PIGU: variants seen among roughly 807,000 people sequenced by gnomAD.
PIGU encodes the protein GPI-anchor transamidase component PIGU.
A neutral mutation model predicts 49.9 loss-of-function variants in PIGU; 24 were observed. The ratio of observed to expected loss-of-function variants is 0.48; its 90% confidence interval spans 0.35 to 0.68. The LOEUF (loss-of-function observed/expected upper bound fraction) is 0.68. Among genes scored for constraint, PIGU ranks in the 30% least tolerant of loss-of-function variants. The pLI, the probability that PIGU is intolerant of heterozygous loss-of-function variation, is 0.01. For synonymous variants in PIGU, 220 were observed against 205.7 expected (o/e 1.07, Z -0.59); for missense variants, 490 against 532.6 (o/e 0.92, Z 0.79).
intron 1 of PIGU, among the ~76,000 whole-genome samples, chr20:34,657,720 C>T (rs1986748131): frequency 6.6e-6 from 1 of 152,122 alleles, no homozygotes; most frequent in Non-Finnish European, 1.5e-5. Context: ...AGATATGATA[C>T]TTCTTAGGGC....
At chr20:34,571,309 C>T (rs897476530) in intron 11 of PIGU, among the ~76,000 whole-genome samples, 11 of 152,106 alleles carry the variant, frequency 7.2e-5, no homozygotes, top group African/African-American at 2.7e-4. Flanking sequence ...AAGGATGGGG[C>T]CTTAGTCACT....
intron 6 of PIGU, among the ~76,000 whole-genome samples, chr20:34,623,563 T>TG (rs1985335155): frequency 1.3e-5 from 2 of 152,218 alleles, no homozygotes; most frequent in Admixed American, 1.3e-4. Flanking sequence ...AACTAGTGAA[T>TG]GAGAGCAATA....
chr20:34,642,529 C>T (rs1986197896), intron 4 of PIGU, among the ~76,000 whole-genome samples: 1 of 151,584 alleles, frequency 6.6e-6, no homozygotes, highest in South Asian at 2.1e-4. Context: ...ATCTAATCAA[C>T]TTTCATTAAA....
At chr20:34,583,611 A>C (rs1983575282) in intron 9 of PIGU, among the ~76,000 whole-genome samples, 1 of 152,242 alleles carries the variant, frequency 6.6e-6, no homozygotes, top group African/African-American at 2.4e-5. Flanking sequence ...AAGCTGCCGG[A>C]GAGCTGGCTG....
intron 6 of PIGU, among the ~76,000 whole-genome samples, chr20:34,627,895 A>G (rs2146752827): frequency 6.6e-6 from 1 of 152,340 alleles, no homozygotes; most frequent in South Asian, 2.1e-4. Flanking sequence ...CACGATCTTC[A>G]GAACAAGACA....
chr20:34,634,564 A>G, intron 6 of PIGU, 51 bp downstream of exon 6: 1 of 1,556,882 alleles, frequency 6.4e-7, no homozygotes, highest in Non-Finnish European at 8.7e-7. Flanking sequence ...GTGTTGCAAA[A>G]TCTTGCATAA....
chr20:34,628,428 T>C (rs2146753308), intron 6 of PIGU, among the ~76,000 whole-genome samples: 1 of 152,320 alleles, frequency 6.6e-6, no homozygotes, highest in South Asian at 2.1e-4. Flanking sequence ...GTGCAAAAAT[T>C]GCTGTACATT....
At chr20:34,600,757 G>A (rs929808179) in intron 7 of PIGU, among the ~76,000 whole-genome samples, 3 of 152,052 alleles carry the variant, frequency 2.0e-5, no homozygotes, top group South Asian at 2.1e-4. Flanking sequence ...GTTATTGGCC[G>A]GGCACGGTGG....
intron 10 of PIGU, among the ~76,000 whole-genome samples, chr20:34,577,293 A>T (rs1215699504): frequency 6.6e-6 from 1 of 152,170 alleles, no homozygotes. Context: ...GAGAGACTTA[A>T]AGGGTGGAGA....
At chr20:34,598,172 C>T (rs1483297677) in intron 7 of PIGU, among the ~76,000 whole-genome samples, 1 of 152,160 alleles carries the variant, frequency 6.6e-6, no homozygotes, top group Non-Finnish European at 1.5e-5. Context: ...ATTACTTAAG[C>T]AGGGTAGTGG....
intron 1 of PIGU, among the ~76,000 whole-genome samples, chr20:34,666,522 A>AT (rs1401318875): frequency 8.6e-5 from 13 of 150,756 alleles, no homozygotes; most frequent in East Asian, 1.9e-4. Context: ...TATTTAATTA[A>AT]TTAATTTATT....
chr20:34,584,179 G>A (rs544886089), intron 9 of PIGU, among the ~76,000 whole-genome samples: 6 of 152,202 alleles, frequency 3.9e-5, no homozygotes, highest in Admixed American at 2.6e-4. Context: ...TCTGAGCATC[G>A]ATTTCCTCAA....
chr20:34,618,128 C>T (rs553544606), intron 6 of PIGU, among the ~76,000 whole-genome samples: 1 of 152,210 alleles, frequency 6.6e-6, no homozygotes, highest in East Asian at 1.9e-4. Flanking sequence ...AAGACTAAAA[C>T]CTAAGGCCAC....
chr20:34,659,219 C>T (rs1471907863), intron 1 of PIGU, among the ~76,000 whole-genome samples: 10 of 136,176 alleles, frequency 7.3e-5, no homozygotes, highest in South Asian at 2.3e-4. Context: ...GTCAGCCCCC[C>T]GCCCGGCCAG....
intron 4 of PIGU, 75 bp downstream of exon 4, chr20:34,644,089 A>G (rs1986252834): frequency 4.5e-6 from 6 of 1,339,814 alleles, no homozygotes; most frequent in Non-Finnish European, 6.4e-6. Flanking sequence ...ATCCTTAAGT[A>G]TAAGATCTTT....
At chr20:34,627,169 G>A (rs544389629) in intron 6 of PIGU, among the ~76,000 whole-genome samples, 3 of 152,238 alleles carry the variant, frequency 2.0e-5, no homozygotes, top group Non-Finnish European at 4.4e-5. Flanking sequence ...AAAGAGAAGC[G>A]CTGGGATCTC....
At chr20:34,639,498 G>A (rs1986080725) in intron 4 of PIGU, among the ~76,000 whole-genome samples, 1 of 152,094 alleles carries the variant, frequency 6.6e-6, no homozygotes, top group Non-Finnish European at 1.5e-5. Flanking sequence ...TCAGAACAGT[G>A]GTACTGGGTA....
chr20:34,624,827 G>A (rs1024320312), intron 6 of PIGU, among the ~76,000 whole-genome samples: 3 of 152,068 alleles, frequency 2.0e-5, no homozygotes, highest in African/African-American at 4.8e-5. Context: ...ACAATGGCCC[G>A]AGGCTTGTCC....
At chr20:34,635,854 A>C (rs761258159) in intron 5 of PIGU, among the ~76,000 whole-genome samples, 14 of 151,672 alleles carry the variant, frequency 9.2e-5, no homozygotes, top group Non-Finnish European at 1.8e-4. Flanking sequence ...CAGCCTGGGC[A>C]ACAAGAGTGA....
Sources: allele counts gnomAD v4.1 joint callset (sites outside exome capture counted in the v4.1 genomes callset), GRCh38; gene constraint gnomAD v4.1.1; transcripts MANE v1.5; gene names NCBI Gene and HGNC (gene_info 2026-07-23, HGNC 2026-07-21).